Variants in RABGAP1L observed in about 807,000 individuals in gnomAD.
RABGAP1L encodes the protein rab GTPase-activating protein 1-like.
Under a neutral mutation model 137.7 loss-of-function variants are expected in RABGAP1L, and 63 were observed. The ratio of observed to expected loss-of-function variants is 0.46; its 90% CI spans 0.37 to 0.56. The LOEUF (loss-of-function observed/expected upper bound fraction) is 0.56. Ranked by LOEUF, RABGAP1L falls within the 20% of genes least tolerant of loss-of-function variation. The pLI, the probability that RABGAP1L is intolerant of heterozygous loss-of-function variation, is 0.00. For synonymous variants in RABGAP1L, 431 were observed against 433.7 expected, an observed-to-expected ratio of 0.99 and a Z score of 0.08; for missense variants, 1,095 against 1,244.0, an observed-to-expected ratio of 0.88 and a Z score of 1.80.
Position 174,926,383 on chromosome 1 carries a change from T to C in RABGAP1L, c.2341-31074T>C, listed in dbSNP as rs376108757. Among the ~76,000 whole-genome samples the C allele has an allele frequency of 3.9e-5, 6 of 152,312 alleles. No homozygotes were observed. The South Asian group carries it at 1.0e-3, about 26-fold the overall frequency. On this transcript the variant is annotated intron_variant, in intron 19 of 25. Coordinates refer to ENST00000681986, the MANE Select transcript of RABGAP1L (RefSeq NM_001366446.1). ...TGAATTGATTATGGAAGAATTGATA[T>C]CTTCATATAGTTCAGTCTCCCCATC... is the stretch of plus-strand genomic sequence containing the variant.
chr1:174,750,993 A>G (rs1407527396), intron 17 of RABGAP1L, among the ~76,000 whole-genome samples: 1 of 152,168 alleles, frequency 6.6e-6, no homozygotes, highest in Non-Finnish European at 1.5e-5. Context: ...TAAAATCTGT[A>G]ATAGTCTTTT....
chr1:174,641,250 G>T (rs1021649679), intron 14 of RABGAP1L, among the ~76,000 whole-genome samples: 4 of 151,924 alleles, frequency 2.6e-5, no homozygotes, highest in Non-Finnish European at 4.4e-5. Flanking sequence ...AAGGAGAAAT[G>T]ATTTGAACTG....
intron 13 of RABGAP1L, among the ~76,000 whole-genome samples, chr1:174,620,057 G>C (rs924570406): frequency 5.9e-5 from 9 of 152,082 alleles, no homozygotes; most frequent in Non-Finnish European, 1.2e-4. Flanking sequence ...ATTACATAAT[G>C]GTAAAGGGAT....
At chr1:174,915,294 G>A (rs564904821) in intron 19 of RABGAP1L, among the ~76,000 whole-genome samples, 7 of 152,264 alleles carry the variant, frequency 4.6e-5, no homozygotes, top group Admixed American at 1.3e-4. Context: ...CACCAGTTAT[G>A]TATAAGGATT....
At chr1:174,613,321 A>G (rs946577038) in intron 13 of RABGAP1L, among the ~76,000 whole-genome samples, 2 of 152,150 alleles carry the variant, frequency 1.3e-5, no homozygotes, top group African/African-American at 4.8e-5. Flanking sequence ...TGTACCCAGT[A>G]GTCATTCAGG....
chr1:174,352,668 G>A (rs1051090069), intron 11 of RABGAP1L, among the ~76,000 whole-genome samples: 1 of 152,108 alleles, frequency 6.6e-6, no homozygotes, highest in Non-Finnish European at 1.5e-5. Flanking sequence ...GAAGAGTTAG[G>A]TATTTATTGT....
rs1279082121 is a variant in RABGAP1L, at chr1:174,740,921, T to A, written c.2170-11392T>A. 2.0e-5 allele frequency among the ~76,000 whole-genome samples: 3 copies of A among 152,140 alleles called. No individual in the cohort carries two copies. In the East Asian group the frequency reaches 5.8e-4, roughly 29 times the overall value. ...GCCCAAGTATGAATGGGATTATTTGTTTTTTTCCTGTTGAGTTGAGTTCCT... is the reference window on the plus strand; with the variant it reads ...GCCCAAGTATGAATGGGATTATTTGATTTTTTCCTGTTGAGTTGAGTTCCT... On this transcript the variant is annotated intron_variant, in intron 17 of 25. Transcript: ENST00000681986.
At position 174,761,008 on chromosome 1, in the gene RABGAP1L, G is replaced by C. The variant is rs1290137175; in HGVS notation, c.2211+8654G>C. ...AATTATTTTCTAGCAAGAGACAGTTGATAATTGTATTAGTTCATTTTCACA... is the reference window on the plus strand; with the variant it reads ...AATTATTTTCTAGCAAGAGACAGTTCATAATTGTATTAGTTCATTTTCACA... On this transcript the variant is annotated intron_variant, in intron 18 of 25. Coordinates refer to ENST00000681986, the MANE Select transcript of RABGAP1L (RefSeq NM_001366446.1). This position sits in a 1 kb window ranked among gnomAD's most constrained non-coding sequence, Gnocchi z 4.0. Among the ~76,000 whole-genome samples the C allele has an allele frequency of 6.6e-6, 1 of 152,188 alleles. No homozygotes were observed. Among genetic ancestry groups the C allele is most frequent in the African/African-American group, 2.4e-5 (1 of 41,462 alleles).
intron 12 of RABGAP1L, among the ~76,000 whole-genome samples, chr1:174,384,214 G>T (rs1378349050): frequency 6.6e-6 from 1 of 152,110 alleles, no homozygotes; most frequent in Non-Finnish European, 1.5e-5. Flanking sequence ...TGAAATTCTG[G>T]AAAAGTCAAA....
At chr1:174,574,488 T>C (rs1019648063) in intron 13 of RABGAP1L, among the ~76,000 whole-genome samples, 3 of 152,160 alleles carry the variant, frequency 2.0e-5, no homozygotes, top group Non-Finnish European at 4.4e-5. Flanking sequence ...ATGAAACAGA[T>C]AGAAATTTGT....
chr1:174,419,964 G>T (rs1651062959), intron 13 of RABGAP1L, among the ~76,000 whole-genome samples: 2 of 152,100 alleles, frequency 1.3e-5, no homozygotes. Context: ...CAAGAAACAA[G>T]AATTAGATTT....
At chr1:174,801,906 A>G (rs1688794338) in intron 18 of RABGAP1L, among the ~76,000 whole-genome samples, 1 of 152,326 alleles carries the variant, frequency 6.6e-6, no homozygotes. Flanking sequence ...TTGGTCTAAT[A>G]TATTTCTGCA....
At chr1:174,833,410 A>ATGTGTG (rs569902746) in intron 19 of RABGAP1L, among the ~76,000 whole-genome samples, 14 of 69,668 alleles carry the variant, frequency 2.0e-4, no homozygotes, top group African/African-American at 5.6e-4. Flanking sequence ...GTATGTGTGT[A>ATGTGTG]TGTGTGTGTG....
chr1:174,343,763 G>A (rs1366424435), intron 11 of RABGAP1L, among the ~76,000 whole-genome samples: 2 of 152,034 alleles, frequency 1.3e-5, no homozygotes, highest in East Asian at 3.9e-4. Context: ...CCTTCAAAAG[G>A]AGTGGGTACT....
intron 10 of RABGAP1L, among the ~76,000 whole-genome samples, chr1:174,293,386 G>A (rs1483039528): frequency 1.3e-5 from 2 of 152,140 alleles, no homozygotes; most frequent in Non-Finnish European, 2.9e-5. Context: ...CTCATATGGG[G>A]TTATTTGAAA....
intron 1 of RABGAP1L, among the ~76,000 whole-genome samples, chr1:174,186,162 A>AT (rs1666791814): frequency 6.6e-6 from 1 of 151,610 alleles, no homozygotes. Flanking sequence ...AAAAAAAAAA[A>AT]TTTCTTAAAA....
intron 18 of RABGAP1L, among the ~76,000 whole-genome samples, chr1:174,785,826 G>A (rs1687411408): frequency 6.6e-6 from 1 of 152,114 alleles, no homozygotes; most frequent in Non-Finnish European, 1.5e-5. Context: ...ACAGTAGAAT[G>A]CTTATATATT....
intron 15 of RABGAP1L, among the ~76,000 whole-genome samples, chr1:174,691,640 G>A (rs1678883898): frequency 6.6e-6 from 1 of 152,048 alleles, no homozygotes; most frequent in South Asian, 2.1e-4. Flanking sequence ...TCTGTACACA[G>A]CAAAAATGGA....
chr1:174,404,126 G>C (rs1648974007), intron 13 of RABGAP1L, among the ~76,000 whole-genome samples: 1 of 152,080 alleles, frequency 6.6e-6, no homozygotes, highest in Non-Finnish European at 1.5e-5. Context: ...GGAAAGCCAG[G>C]CTTATGCACT....
Sources: allele counts gnomAD v4.1 joint callset (sites outside exome capture counted in the v4.1 genomes callset), GRCh38; gene constraint gnomAD v4.1.1; non-coding constraint Gnocchi (gnomAD v3.1); transcripts MANE v1.5; gene names NCBI Gene and HGNC (gene_info 2026-07-23, HGNC 2026-07-21).